KCNT2: variants seen among roughly 807,000 people sequenced by gnomAD.
KCNT2 encodes potassium sodium-activated channel subfamily T member 2, also known as potassium channel subfamily T member 2.
A neutral mutation model predicts 153.8 loss-of-function variants in KCNT2; 67 were observed. That is an observed-to-expected ratio of 0.44 (90% CI 0.36 to 0.53). The LOEUF (loss-of-function observed/expected upper bound fraction) is 0.53. Among genes scored for constraint, KCNT2 ranks in the 20% least tolerant of loss-of-function variants. KCNT2 has a pLI of 0.00. For synonymous variants in KCNT2, 500 were observed against 458.8 expected (o/e 1.09, Z -1.15); for missense variants, 975 against 1,354.8 (o/e 0.72, Z 4.40).
At chr1:196,501,290 G>T (rs1428453125) in intron 1 of KCNT2, among the ~76,000 whole-genome samples, 1 of 152,060 alleles carries the variant, frequency 6.6e-6, no homozygotes, top group African/African-American at 2.4e-5. Flanking sequence ...CAATAGCAAA[G>T]ATATGGAATG....
intron 12 of KCNT2, among the ~76,000 whole-genome samples, chr1:196,401,819 A>G (rs1025329029): frequency 5.9e-5 from 9 of 151,800 alleles, no homozygotes; most frequent in African/African-American, 2.2e-4. Context: ...GAAGACATAC[A>G]CTTATAAGTT....
chr1:196,248,318 T>C (rs1244919556), intron 26 of KCNT2, among the ~76,000 whole-genome samples: 1 of 151,644 alleles, frequency 6.6e-6, no homozygotes, highest in East Asian at 1.9e-4. Flanking sequence ...ATAAATGACA[T>C]TGAAATGAAG....
At chr1:196,365,922 G>A (rs769050208) in intron 14 of KCNT2, among the ~76,000 whole-genome samples, 1 of 152,098 alleles carries the variant, frequency 6.6e-6, no homozygotes, top group African/African-American at 2.4e-5. Flanking sequence ...GTTGGGCATG[G>A]CTACATAATT....
At chr1:196,249,293 T>G (rs1176386950) in intron 26 of KCNT2, among the ~76,000 whole-genome samples, 1 of 152,002 alleles carries the variant, frequency 6.6e-6, no homozygotes, top group Non-Finnish European at 1.5e-5. Flanking sequence ...TGCTGGAAGG[T>G]GTATATAGAA....
At chr1:196,531,855 C>T (rs572606556) in intron 1 of KCNT2, among the ~76,000 whole-genome samples, 4 of 151,886 alleles carry the variant, frequency 2.6e-5, no homozygotes, top group African/African-American at 4.8e-5. Context: ...GAAGAACTGA[C>T]GACTGAAGCA....
At chr1:196,299,337 T>C (rs915011225) in intron 22 of KCNT2, among the ~76,000 whole-genome samples, 11 of 151,098 alleles carry the variant, frequency 7.3e-5, no homozygotes, top group African/African-American at 2.7e-4. Context: ...GTGATGTAAA[T>C]ATCCAAGACA....
intron 26 of KCNT2, among the ~76,000 whole-genome samples, chr1:196,249,597 AC>A (rs1179175254): frequency 3.3e-5 from 5 of 152,102 alleles, no homozygotes; most frequent in South Asian, 4.1e-4. Context: ...ACATAGTGAA[AC>A]CCTGTCTCTA....
chr1:196,566,072 A>G (rs953322807), intron 1 of KCNT2, among the ~76,000 whole-genome samples: 23 of 151,988 alleles, frequency 1.5e-4, no homozygotes, highest in Non-Finnish European at 3.1e-4. Context: ...ATAAATATAT[A>G]CAATTTTTAT....
Position 196,349,856 on chromosome 1 carries a change from C to A in KCNT2, c.1404-7628G>T, listed in dbSNP as rs1029102126. ...ATATCTCCTAATGCTATCCCTCCCCCCTTCCCCCAGCCCACAACAGTCCCC... is the reference window on the plus strand; with the variant it reads ...ATATCTCCTAATGCTATCCCTCCCCACTTCCCCCAGCCCACAACAGTCCCC... On this transcript the variant is annotated intron_variant, in intron 14 of 27. Coordinates refer to ENST00000294725, the MANE Select transcript of KCNT2 (RefSeq NM_198503.5). Among the ~76,000 whole-genome samples, 4 of 152,090 alleles carry A rather than the reference C, an allele frequency of 2.6e-5. No homozygotes were observed. In the South Asian group the frequency reaches 8.3e-4, roughly 32 times the overall value.
chr1:196,556,178 C>T (rs1316362185), intron 1 of KCNT2, among the ~76,000 whole-genome samples: 3 of 151,374 alleles, frequency 2.0e-5, no homozygotes, highest in Admixed American at 6.6e-5. Flanking sequence ...AAACCTTCTG[C>T]TCTGCAAAAG....
At position 196,496,312 on chromosome 1, in the gene KCNT2, C is replaced by CA. The variant is rs1377354811; in HGVS notation, c.96-3972dup. Among the ~76,000 whole-genome samples, 18 of 151,874 alleles carry CA rather than the reference C, an allele frequency of 1.2e-4. No individual in the cohort carries two copies. The South Asian group carries it at 2.9e-3, about 25-fold the overall frequency. Reference sequence around the variant, plus strand: ...GTGAAACCCCAGCTCTACTAAAATACAAAAAATTAGCCGGGCATGGTGGTG... The same window carrying CA: ...GTGAAACCCCAGCTCTACTAAAATACAAAAAAATTAGCCGGGCATGGTGGTG... On this transcript the variant is annotated intron_variant, in intron 1 of 27. Coordinates refer to ENST00000294725, the MANE Select transcript of KCNT2 (RefSeq NM_198503.5).
intron 27 of KCNT2, among the ~76,000 whole-genome samples, chr1:196,234,777 T>G (rs981968346): frequency 4.6e-5 from 7 of 151,496 alleles, no homozygotes; most frequent in South Asian, 2.1e-4. Flanking sequence ...CCTGCTAGTC[T>G]CTGACTTTGT....
At chr1:196,586,494 C>T (rs1662696471) in intron 1 of KCNT2, among the ~76,000 whole-genome samples, 1 of 151,994 alleles carries the variant, frequency 6.6e-6, no homozygotes, top group South Asian at 2.1e-4. Flanking sequence ...ACATCTCCTG[C>T]TGCTAGAATA....
intron 8 of KCNT2, among the ~76,000 whole-genome samples, chr1:196,433,481 T>G (rs1674340345): frequency 6.6e-6 from 1 of 151,982 alleles, no homozygotes; most frequent in Non-Finnish European, 1.5e-5. Flanking sequence ...GTGGTGAAAA[T>G]GTTCTGAAAC....
chr1:196,417,002 C>G (rs1236139525), intron 12 of KCNT2, among the ~76,000 whole-genome samples: 1 of 151,986 alleles, frequency 6.6e-6, no homozygotes, highest in East Asian at 1.9e-4. Flanking sequence ...TTTTTAGACC[C>G]CATGCAATGT....
chr1:196,543,421 T>A (rs1327020781), intron 1 of KCNT2, among the ~76,000 whole-genome samples: 1 of 152,076 alleles, frequency 6.6e-6, no homozygotes, highest in Non-Finnish European at 1.5e-5. Context: ...ATAAATTTTG[T>A]CAGAGTGGGT....
intron 1 of KCNT2, among the ~76,000 whole-genome samples, chr1:196,532,699 G>A (rs1009026728): frequency 2.0e-5 from 3 of 151,978 alleles, no homozygotes; most frequent in Admixed American, 6.6e-5. Context: ...CTGTTGCTGA[G>A]CCAAAATAAG....
intron 25 of KCNT2, among the ~76,000 whole-genome samples, chr1:196,265,547 T>C (rs1657457143): frequency 6.6e-6 from 1 of 152,198 alleles, no homozygotes; most frequent in Non-Finnish European, 1.5e-5. Context: ...GTGTGATCAC[T>C]GGTTGTATGT....
chr1:196,496,128 G>A (rs1427142084), intron 1 of KCNT2, among the ~76,000 whole-genome samples: 1 of 151,962 alleles, frequency 6.6e-6, no homozygotes, highest in Admixed American at 6.6e-5. Flanking sequence ...TATTTCTACA[G>A]TAAGACCTCA....
Sources: gnomAD v4.1 joint callset for allele counts (sites outside exome capture counted in the v4.1 genomes callset) on GRCh38, gnomAD v4.1.1 for gene constraint, MANE v1.5 for transcripts, NCBI Gene and HGNC (gene_info 2026-07-23, HGNC 2026-07-21) for gene names.